The following CLASP2 variants were observed in gnomAD, a reference collection of about 807,000 sequenced individuals.
The protein encoded by CLASP2 is cytoplasmic linker associated protein 2, also known as CLIP-associating protein 2.
In CLASP2, 47 loss-of-function variants were observed where a neutral mutation model predicts 194.4. The observed-to-expected ratio is 0.24, with a 90% CI of 0.19 to 0.31. The LOEUF (loss-of-function observed/expected upper bound fraction) is 0.31, where lower values mean the gene tolerates loss of function less well. Ranked by LOEUF, CLASP2 falls within the 10% of genes least tolerant of loss-of-function variation. CLASP2 has a pLI of 1.00. For synonymous variants in CLASP2, 619 were observed against 633.5 expected (o/e 0.98, Z 0.34); for missense variants, 1,445 against 1,823.6 (o/e 0.79, Z 3.78).
At chr3:33,679,395 TA>T (rs1244410249) in intron 6 of CLASP2, among the ~76,000 whole-genome samples, 1 of 152,142 alleles carries the variant, frequency 6.6e-6, no homozygotes, top group South Asian at 2.1e-4. Context: ...TGAACTTCAT[TA>T]AAATTAAAAC....
At chr3:33,559,625 T>A (rs1476170660) in intron 28 of CLASP2, among the ~76,000 whole-genome samples, 1 of 152,202 alleles carries the variant, frequency 6.6e-6, no homozygotes, top group Non-Finnish European at 1.5e-5. Flanking sequence ...CCGGGAGCGG[T>A]GGCTCACGCT....
intron 7 of CLASP2, among the ~76,000 whole-genome samples, chr3:33,651,974 T>C (rs1204324701): frequency 6.6e-6 from 1 of 152,116 alleles, no homozygotes; most frequent in Non-Finnish European, 1.5e-5. Context: ...TTCACTTTTA[T>C]GGGTACATGT....
intron 23 of CLASP2, chr3:33,577,261 G>C (rs2065099269): frequency 1.3e-6 from 2 of 1,597,828 alleles, no homozygotes; most frequent in South Asian, 1.1e-5. Context: ...ATGGTGTCTG[G>C]AGGCTGGAAT....
chr3:33,631,208 GACA>G (rs753409942), intron 9 of CLASP2, among the ~76,000 whole-genome samples: 8 of 152,276 alleles, frequency 5.3e-5, no homozygotes, highest in South Asian at 2.1e-4. Context: ...TATTTTGAGT[GACA>G]ACAACAAGTA....
At chr3:33,688,740 G>A (rs2154347214) in intron 3 of CLASP2, among the ~76,000 whole-genome samples, 1 of 152,196 alleles carries the variant, frequency 6.6e-6, no homozygotes, top group Non-Finnish European at 1.5e-5. Context: ...TATTTAAGTG[G>A]TCCAACATTG....
intron 25 of CLASP2, 85 bp downstream of exon 25, chr3:33,573,025 A>G: frequency 6.8e-7 from 1 of 1,466,848 alleles, no homozygotes; most frequent in Non-Finnish European, 9.3e-7. Flanking sequence ...TTTCTACACC[A>G]GTATCTCTAA....
At chr3:33,674,745 T>C (rs529875137) in intron 6 of CLASP2, among the ~76,000 whole-genome samples, 12 of 151,794 alleles carry the variant, frequency 7.9e-5, no homozygotes, top group African/African-American at 1.2e-4. Context: ...TAAAAAATGA[T>C]AAAGGGGATA....
chr3:33,560,198 A>AT (rs2061587127), intron 28 of CLASP2, among the ~76,000 whole-genome samples: 1 of 152,182 alleles, frequency 6.6e-6, no homozygotes, highest in Non-Finnish European at 1.5e-5. Flanking sequence ...ATAGTAGACT[A>AT]AATAAAATCT....
chr3:33,634,225 TTATC>T (rs2154295899), intron 8 of CLASP2, among the ~76,000 whole-genome samples: 1 of 151,986 alleles, frequency 6.6e-6, no homozygotes, highest in Admixed American at 6.5e-5. Context: ...TGGCAAAATA[TTATC>T]TAAACTGTGT....
intron 25 of CLASP2, among the ~76,000 whole-genome samples, chr3:33,571,382 A>G (rs898193381): frequency 6.6e-6 from 1 of 151,756 alleles, no homozygotes; most frequent in South Asian, 2.1e-4. Flanking sequence ...TAATCCCAGC[A>G]CTTTGGAAGG....
chr3:33,600,583 T>C (rs767348311), intron 18 of CLASP2, among the ~76,000 whole-genome samples: 1 of 152,346 alleles, frequency 6.6e-6, no homozygotes, highest in Non-Finnish European at 1.5e-5. Flanking sequence ...AAAAGTTTTC[T>C]GAAAATTAAA....
At chr3:33,610,831 G>T (rs933747945) in intron 13 of CLASP2, among the ~76,000 whole-genome samples, 5 of 152,166 alleles carry the variant, frequency 3.3e-5, no homozygotes, top group African/African-American at 7.2e-5. Flanking sequence ...AACAACTGTT[G>T]TCAAAAGTTT....
chr3:33,606,844 G>A, intron 15 of CLASP2, 86 bp from the exon 16 acceptor site: 2 of 962,668 alleles, frequency 2.1e-6, no homozygotes, highest in Non-Finnish European at 3.1e-6. Context: ...GAAGGATGAA[G>A]ATAAGCCCAC....
intron 16 of CLASP2, among the ~76,000 whole-genome samples, chr3:33,605,179 C>CA (rs1280825144): frequency 6.6e-6 from 1 of 151,856 alleles, no homozygotes; most frequent in Admixed American, 6.6e-5. Flanking sequence ...TAGGAGCTTG[C>CA]AAAAAATGAA....
intron 33 of CLASP2, among the ~76,000 whole-genome samples, chr3:33,537,022 C>G (rs1434686657): frequency 1.3e-5 from 2 of 152,202 alleles, no homozygotes; most frequent in Non-Finnish European, 2.9e-5. Context: ...ATTTATTATA[C>G]TTACAACAAC....
At chr3:33,665,000 C>T (rs2085935432) in intron 6 of CLASP2, among the ~76,000 whole-genome samples, 1 of 151,966 alleles carries the variant, frequency 6.6e-6, no homozygotes. Context: ...ACTAGGGAGG[C>T]TGAGGCACAA....
chr3:33,696,418 T>C (rs561637582), intron 2 of CLASP2, among the ~76,000 whole-genome samples: 1 of 146,106 alleles, frequency 6.8e-6, no homozygotes, highest in East Asian at 2.0e-4. Flanking sequence ...ACCTTGTCTC[T>C]GGGTAAACTG....
intron 18 of CLASP2, among the ~76,000 whole-genome samples, chr3:33,601,893 T>C (rs1393573788): frequency 6.6e-6 from 1 of 152,218 alleles, no homozygotes; most frequent in Non-Finnish European, 1.5e-5. Context: ...TGAGTACTCC[T>C]TATTTAAAAT....
intron 36 of CLASP2, among the ~76,000 whole-genome samples, chr3:33,513,504 C>T (rs1575698731): frequency 6.6e-6 from 1 of 152,172 alleles, no homozygotes. Flanking sequence ...TGCACTCCAG[C>T]CTGGGTGACA....
Sources: allele counts gnomAD v4.1 joint callset (sites outside exome capture counted in the v4.1 genomes callset), GRCh38; gene constraint gnomAD v4.1.1; transcripts MANE v1.5; gene names NCBI Gene and HGNC (gene_info 2026-07-23, HGNC 2026-07-21).